Variants in SGCZ observed in about 807,000 individuals in gnomAD.
SGCZ encodes the protein zeta-sarcoglycan.
A neutral mutation model predicts 41.3 loss-of-function variants in SGCZ; 40 were observed. That is an observed-to-expected ratio of 0.97 (90% confidence interval 0.75 to 1.26). SGCZ has a LOEUF of 1.26. Among genes scored for constraint, SGCZ ranks in the 50% most tolerant of loss-of-function variants. The pLI is 0.00. For missense variants in SGCZ, 552 were observed against 369.8 expected (o/e 1.49, Z -4.04); for synonymous variants, 206 against 137.5 (o/e 1.50, Z -3.49).
chr8:15,057,131 G>C (rs1804739700), intron 1 of SGCZ, among the ~76,000 whole-genome samples: 1 of 152,190 alleles, frequency 6.6e-6, no homozygotes, highest in Non-Finnish European at 1.5e-5. Context: ...TCAGCACTAG[G>C]CTGGAGCACA....
At chr8:14,636,647 A>G (rs1005061578) in intron 1 of SGCZ, among the ~76,000 whole-genome samples, 8 of 151,840 alleles carry the variant, frequency 5.3e-5, no homozygotes, top group African/African-American at 1.7e-4. Context: ...AGGAATGTCT[A>G]CTTGACGGCT....
At chr8:14,623,182 G>A (rs967977554) in intron 1 of SGCZ, among the ~76,000 whole-genome samples, 1 of 152,056 alleles carries the variant, frequency 6.6e-6, no homozygotes, top group Admixed American at 6.6e-5. Flanking sequence ...GCATAATAAC[G>A]AAATAACCAA....
intron 2 of SGCZ, among the ~76,000 whole-genome samples, chr8:14,417,696 G>C (rs552445066): frequency 6.6e-6 from 1 of 151,924 alleles, no homozygotes; most frequent in East Asian, 1.9e-4. Flanking sequence ...CTTGAAATTT[G>C]CTAAGGGAGT....
chr8:14,694,520 G>C (rs1307625259), intron 1 of SGCZ, among the ~76,000 whole-genome samples: 1 of 152,172 alleles, frequency 6.6e-6, no homozygotes, highest in Non-Finnish European at 1.5e-5. Context: ...TTGGTCTGCA[G>C]AGTAAAAATT....
At chr8:14,738,977 G>T (rs1332178220) in intron 1 of SGCZ, among the ~76,000 whole-genome samples, 2 of 152,074 alleles carry the variant, frequency 1.3e-5, no homozygotes, top group African/African-American at 2.4e-5. Context: ...CTAAAGGGTT[G>T]ACAAGGGACC....
At chr8:14,469,105 C>G (rs1801136791) in intron 2 of SGCZ, among the ~76,000 whole-genome samples, 1 of 152,058 alleles carries the variant, frequency 6.6e-6, no homozygotes, top group Admixed American at 6.6e-5. Flanking sequence ...AAGTCACCAC[C>G]ACCACTTTTC....
chr8:14,602,085 A>C (rs1008620352), intron 1 of SGCZ, among the ~76,000 whole-genome samples: 3 of 152,108 alleles, frequency 2.0e-5, no homozygotes, highest in African/African-American at 7.2e-5. Flanking sequence ...GCGCCACTGC[A>C]CTCCAGCCTG....
intron 2 of SGCZ, among the ~76,000 whole-genome samples, chr8:14,336,492 T>C (rs1802511753): frequency 6.6e-6 from 1 of 152,170 alleles, no homozygotes; most frequent in African/African-American, 2.4e-5. Flanking sequence ...AGTCCTGTTT[T>C]TAGCTCTTTG....
At position 14,482,466 on chromosome 8, in the gene SGCZ, G is replaced by A. The variant is rs139934384; in HGVS notation, c.234+72266C>T. 3.4e-3 allele frequency among the ~76,000 whole-genome samples: 515 copies of A among 151,980 alleles called. 2 individuals carry two copies. The highest frequency in any genetic ancestry group is 6.8e-3 in the Middle Eastern group (2 of 294). On this transcript the variant is annotated intron_variant, in intron 2 of 7. Coordinates refer to ENST00000382080, the MANE Select transcript of SGCZ (RefSeq NM_139167.4). ...TTTTCCTCCTTTAATCTCCCTTACC[G>A]CTCTCAGAAACAAAATCATTTTGTT...
At chr8:14,257,616 A>G (rs28677841) in intron 3 of SGCZ, among the ~76,000 whole-genome samples, 54,117 of 145,944 alleles carry the variant, frequency 0.37, 11,464 homozygotes, top group Non-Finnish European at 0.5. Flanking sequence ...ATATCTACTA[A>G]TGCTATCCCT....
chr8:15,184,607 C>G (rs746089864), intron 1 of SGCZ, among the ~76,000 whole-genome samples: 1 of 152,024 alleles, frequency 6.6e-6, no homozygotes, highest in Non-Finnish European at 1.5e-5. Flanking sequence ...TAGGTTCAGG[C>G]AACGGGAGTC....
intron 1 of SGCZ, among the ~76,000 whole-genome samples, chr8:14,889,566 CA>C (rs111906242): frequency 0.012 from 1,777 of 151,962 alleles, 24 homozygotes; most frequent in African/African-American, 0.04. Flanking sequence ...GACTTGGACT[CA>C]AAATTCTTAT....
At chr8:14,604,562 A>G (rs1014533886) in intron 1 of SGCZ, among the ~76,000 whole-genome samples, 6 of 152,166 alleles carry the variant, frequency 3.9e-5, no homozygotes, top group Admixed American at 3.3e-4. Context: ...AGGCTTGTTT[A>G]CTACATGTTG....
At chr8:15,066,308 C>T (rs1309620782) in intron 1 of SGCZ, among the ~76,000 whole-genome samples, 1 of 108,826 alleles carries the variant, frequency 9.2e-6, no homozygotes, top group Non-Finnish European at 2.0e-5. Context: ...GAGCGAGACT[C>T]CGTCTCCAAA....
At chr8:14,995,813 C>G (rs970671729) in intron 1 of SGCZ, among the ~76,000 whole-genome samples, 1 of 152,130 alleles carries the variant, frequency 6.6e-6, no homozygotes, top group African/African-American at 2.4e-5. Context: ...GCATTAATCT[C>G]ACCAGAAAAT....
intron 1 of SGCZ, among the ~76,000 whole-genome samples, chr8:14,808,352 C>A (rs972918285): frequency 6.6e-6 from 1 of 152,052 alleles, no homozygotes; most frequent in South Asian, 2.1e-4. Context: ...GGCTAATATC[C>A]AGAATCTACG....
At chr8:14,264,586 G>A (rs1563221425) in intron 3 of SGCZ, among the ~76,000 whole-genome samples, 1 of 152,144 alleles carries the variant, frequency 6.6e-6, no homozygotes, top group Admixed American at 6.5e-5. Flanking sequence ...AGCATTATCT[G>A]GCGATGATAC....
intron 2 of SGCZ, among the ~76,000 whole-genome samples, chr8:14,430,964 T>C (rs549871698): frequency 2.0e-5 from 3 of 152,144 alleles, no homozygotes; most frequent in Admixed American, 6.5e-5. Context: ...AAAATTAAAA[T>C]ACTTAGGAAT....
chr8:15,151,090 A>C (rs1382565006), intron 1 of SGCZ, among the ~76,000 whole-genome samples: 2 of 152,244 alleles, frequency 1.3e-5, no homozygotes, highest in Non-Finnish European at 2.9e-5. Context: ...TCACGCACAC[A>C]CTTCGCTGGA....
Sources: gnomAD v4.1 joint callset for allele counts (sites outside exome capture counted in the v4.1 genomes callset) on GRCh38, gnomAD v4.1.1 for gene constraint, MANE v1.5 for transcripts, NCBI Gene and HGNC (gene_info 2026-07-23, HGNC 2026-07-21) for gene names.